The following MECOM variants were observed in gnomAD, a reference collection of about 807,000 sequenced individuals.
MECOM encodes the protein histone-lysine N-methyltransferase MECOM.
Under a neutral mutation model 116.3 loss-of-function variants are expected in MECOM, and 13 were observed. The observed-to-expected ratio is 0.11, with a 90% CI of 0.07 to 0.18. The LOEUF is 0.18. MECOM is among the 10% of genes least tolerant of loss of function. The pLI is 1.00. For synonymous variants in MECOM, 528 were observed against 535.2 expected, an observed-to-expected ratio of 0.99 and a Z score of 0.19; for missense variants, 1,299 against 1,509.0, an observed-to-expected ratio of 0.86 and a Z score of 2.31.
chr3:169,516,906 A>T (rs982120907), intron 1 of MECOM, among the ~76,000 whole-genome samples: 1 of 152,222 alleles, frequency 6.6e-6, no homozygotes, highest in South Asian at 2.1e-4. Context: ...CTAAGCAACG[A>T]CAATAAATAT....
intron 16 of MECOM, among the ~76,000 whole-genome samples, chr3:169,086,719 G>A (rs573912115): frequency 6.6e-6 from 1 of 152,268 alleles, no homozygotes; most frequent in South Asian, 2.1e-4. Context: ...TTACCGGATA[G>A]AGTTTCTTGA....
At chr3:169,442,392 T>C (rs1042130708) in intron 1 of MECOM, among the ~76,000 whole-genome samples, 4 of 152,240 alleles carry the variant, frequency 2.6e-5, no homozygotes, top group African/African-American at 9.6e-5. Context: ...AACTTCTATA[T>C]GCCATTAAAG....
intron 1 of MECOM, among the ~76,000 whole-genome samples, chr3:169,442,463 A>G (rs1743893761): frequency 6.6e-6 from 1 of 152,228 alleles, no homozygotes; most frequent in African/African-American, 2.4e-5. Context: ...AAAACATAAG[A>G]GGTTGCTAGT....
intron 1 of MECOM, among the ~76,000 whole-genome samples, chr3:169,457,679 A>C (rs1423502185): frequency 1.3e-5 from 2 of 152,262 alleles, no homozygotes; most frequent in Non-Finnish European, 2.9e-5. Context: ...ATGTTTGAAT[A>C]ATAGATATTC....
intron 6 of MECOM, 50 bp from the exon 7 acceptor site, chr3:169,121,259 A>C (rs745506240): frequency 2.0e-6 from 3 of 1,519,978 alleles, no homozygotes; most frequent in Non-Finnish European, 2.7e-6. Flanking sequence ...TCAAGGGCAC[A>C]ATAAAGAAGA....
At chr3:169,565,956 T>A in intron 1 of MECOM, 1 of 446,792 alleles carries the variant, frequency 2.2e-6, no homozygotes, top group Non-Finnish European at 4.5e-6. Context: ...GAAAAAAGGT[T>A]TAATCAACTC....
chr3:169,149,519 C>G (rs775276258), intron 2 of MECOM: 59 of 264,668 alleles, frequency 2.2e-4, no homozygotes, highest in Middle Eastern at 2.7e-3. Context: ...TAAAGCGCAG[C>G]GCCGGCGGCT....
At chr3:169,246,097 A>G (rs780516935) in intron 2 of MECOM, among the ~76,000 whole-genome samples, 1 of 152,252 alleles carries the variant, frequency 6.6e-6, no homozygotes. Flanking sequence ...GGTAATCCAT[A>G]TCATAGGGGA....
chr3:169,475,754 G>A (rs1424047694), intron 1 of MECOM, among the ~76,000 whole-genome samples: 5 of 152,036 alleles, frequency 3.3e-5, no homozygotes, highest in African/African-American at 1.2e-4. Flanking sequence ...AAAAAAAGGG[G>A]GAGGAGGAGG....
At chr3:169,299,330 C>T (rs1716262245) in intron 2 of MECOM, among the ~76,000 whole-genome samples, 1 of 152,164 alleles carries the variant, frequency 6.6e-6, no homozygotes, top group Admixed American at 6.5e-5. Flanking sequence ...CCACCCAGTG[C>T]ACACCCACGC....
intron 7 of MECOM, among the ~76,000 whole-genome samples, chr3:169,118,512 T>G (rs534066934): frequency 6.6e-6 from 1 of 152,170 alleles, no homozygotes. Context: ...AAACATCAGA[T>G]GTTTACTAGA....
intron 1 of MECOM, among the ~76,000 whole-genome samples, chr3:169,455,450 T>C (rs1258268986): frequency 6.6e-6 from 1 of 152,204 alleles, no homozygotes; most frequent in Non-Finnish European, 1.5e-5. Flanking sequence ...ACTTTGACAG[T>C]TGAACAAGTG....
In MECOM at chr3:169,115,323, A is replaced by G. The variant is rs548988885; in HGVS notation, c.2489+60T>C. On this transcript the variant is annotated intron_variant, in intron 8 of 16. Transcript: ENST00000651503. ...ATGTGTTAAAAAGCCATCACTTTACAGTGGAAATACCGCCTTTCATACATC... is the reference window on the plus strand; with the variant it reads ...ATGTGTTAAAAAGCCATCACTTTACGGTGGAAATACCGCCTTTCATACATC... 3.3e-5 allele frequency: 51 copies of G among 1,528,084 alleles called. No individual in the cohort carries two copies. In the East Asian group the frequency reaches 7.0e-4, roughly 21 times the overall value. 94.7% of individuals were successfully genotyped at this position (1,528,084 alleles called of 1,614,324 possible).
chr3:169,113,972 A>G (rs1354294289), intron 8 of MECOM, among the ~76,000 whole-genome samples: 6 of 152,050 alleles, frequency 3.9e-5, no homozygotes, highest in African/African-American at 1.4e-4. Context: ...AGCACCAGAG[A>G]GATGTTGGAG....
intron 1 of MECOM, among the ~76,000 whole-genome samples, chr3:169,527,204 G>C (rs1758058877): frequency 6.6e-6 from 1 of 152,206 alleles, no homozygotes; most frequent in Non-Finnish European, 1.5e-5. Context: ...TGTTGGAGAA[G>C]GAGGGGGAGG....
intron 2 of MECOM, among the ~76,000 whole-genome samples, chr3:169,357,503 A>T (rs116385149): frequency 6.6e-6 from 1 of 151,790 alleles, no homozygotes; most frequent in African/African-American, 2.4e-5. Context: ...TAAAATTAAG[A>T]GGCAATTTTT....
intron 1 of MECOM, among the ~76,000 whole-genome samples, chr3:169,524,226 G>C (rs1757716706): frequency 6.6e-6 from 1 of 151,998 alleles, no homozygotes; most frequent in Admixed American, 6.6e-5. Flanking sequence ...AATGTGTACA[G>C]GGTCCTTACT....
chr3:169,392,353 A>G (rs1734349792), intron 1 of MECOM, among the ~76,000 whole-genome samples: 1 of 152,220 alleles, frequency 6.6e-6, no homozygotes. Flanking sequence ...TGCACATTCC[A>G]ATTGAAATTT....
chr3:169,450,180 A>G (rs576806100), intron 1 of MECOM, among the ~76,000 whole-genome samples: 1 of 152,282 alleles, frequency 6.6e-6, no homozygotes, highest in East Asian at 1.9e-4. Context: ...GCCAGAACAA[A>G]TATTATTTCT....
Sources: gnomAD v4.1 joint callset for allele counts (sites outside exome capture counted in the v4.1 genomes callset) on GRCh38, gnomAD v4.1.1 for gene constraint, MANE v1.5 for transcripts, NCBI Gene and HGNC (gene_info 2026-07-23, HGNC 2026-07-21) for gene names.